Variants in TTC28 observed in about 807,000 individuals in gnomAD.
TTC28 encodes the protein tetratricopeptide repeat domain 28.
A neutral mutation model predicts 198.0 loss-of-function variants in TTC28; 61 were observed. The observed-to-expected ratio is 0.31, with a 90% CI of 0.25 to 0.38. The LOEUF (loss-of-function observed/expected upper bound fraction) is 0.38, where lower values mean the gene tolerates loss of function less well. Ranked by LOEUF, TTC28 falls within the 10% of genes least tolerant of loss-of-function variation. The probability of loss-of-function intolerance (pLI) is 1.00; values close to 1 mark genes in which losing one functional copy is unlikely to be tolerated. For missense variants in TTC28, 2,678 were observed against 3,164.0 expected, an observed-to-expected ratio of 0.85 and a Z score of 3.69; for synonymous variants, 1,171 against 1,297.8, an observed-to-expected ratio of 0.90 and a Z score of 2.10.
At chr22:28,217,703 T>C (rs927551351) in intron 5 of TTC28, among the ~76,000 whole-genome samples, 7 of 152,226 alleles carry the variant, frequency 4.6e-5, no homozygotes, top group African/African-American at 1.7e-4. Context: ...CAGGATCATT[T>C]ATATACTTAA....
intron 2 of TTC28, 140 bp from the exon 3 acceptor site, chr22:28,306,783 A>C (rs1243394536): frequency 4.6e-6 from 4 of 866,958 alleles, no homozygotes; most frequent in African/African-American, 3.5e-5. Context: ...TTGGTAATGA[A>C]ATGAACTAAC....
rs2048629259 is a variant in TTC28, at chr22:28,507,477, A to T, written c.381+122075T>A. On this transcript the variant is annotated intron_variant, in intron 2 of 22. Transcript: ENST00000397906. ...CAGGGAGAATGGAACCAAGTTGGAAAACATACTTCAAAATATCATCCAGGA... is the reference window on the plus strand; with the variant it reads ...CAGGGAGAATGGAACCAAGTTGGAATACATACTTCAAAATATCATCCAGGA... Among the ~76,000 whole-genome samples, 4 of 152,232 alleles carry T rather than the reference A, an allele frequency of 2.6e-5. No individual in the cohort carries two copies. The South Asian group carries it at 8.3e-4, about 32-fold the overall frequency.
intron 12 of TTC28, among the ~76,000 whole-genome samples, chr22:28,075,860 T>A (rs1386468600): frequency 1.3e-5 from 2 of 152,204 alleles, no homozygotes; most frequent in Non-Finnish European, 2.9e-5. Flanking sequence ...CCGACCTTTA[T>A]CAGAGCACTT....
intron 3 of TTC28, among the ~76,000 whole-genome samples, chr22:28,299,541 C>G (rs1048295694): frequency 6.6e-6 from 1 of 152,168 alleles, no homozygotes; most frequent in Non-Finnish European, 1.5e-5. Context: ...GGGTTAAGTA[C>G]AGGCACAAGA....
intron 3 of TTC28, among the ~76,000 whole-genome samples, chr22:28,300,669 TG>T (rs1466612808): frequency 6.6e-6 from 1 of 152,172 alleles, no homozygotes; most frequent in African/African-American, 2.4e-5. Flanking sequence ...GAAAGCTTCA[TG>T]GAAGAAGAAA....
chr22:28,647,792 T>C (rs1401352690), intron 1 of TTC28, among the ~76,000 whole-genome samples: 1 of 151,436 alleles, frequency 6.6e-6, no homozygotes, highest in African/African-American at 2.4e-5. Context: ...TGAGCCAAGA[T>C]CGAGCCACTG....
At chr22:28,592,871 C>T (rs2050459025) in intron 2 of TTC28, among the ~76,000 whole-genome samples, 1 of 152,148 alleles carries the variant, frequency 6.6e-6, no homozygotes, top group Non-Finnish European at 1.5e-5. Context: ...GCAATTTTTC[C>T]AGGTCAAAAA....
At chr22:28,250,288 T>C (rs1317478163) in intron 5 of TTC28, among the ~76,000 whole-genome samples, 2 of 152,340 alleles carry the variant, frequency 1.3e-5, no homozygotes, top group African/African-American at 4.8e-5. Context: ...GAAAAGACTA[T>C]TTAGGCATTC....
intron 1 of TTC28, 132 bp downstream of exon 1, chr22:28,679,490 G>T: frequency 3.5e-6 from 2 of 565,962 alleles, no homozygotes; most frequent in East Asian, 3.7e-5. Context: ...ACGGCTCGCG[G>T]CTGGGATCGA....
chr22:28,583,536 A>G (rs1238564570), intron 2 of TTC28, among the ~76,000 whole-genome samples: 1 of 152,230 alleles, frequency 6.6e-6, no homozygotes, highest in Non-Finnish European at 1.5e-5. Context: ...CTAAAGAGTT[A>G]CATTAAATAC....
chr22:28,214,972 G>A (rs191772718), intron 5 of TTC28, among the ~76,000 whole-genome samples: 258 of 152,300 alleles, frequency 1.7e-3, no homozygotes, highest in Middle Eastern at 6.8e-3. Context: ...ATGAGTTCAC[G>A]TCCTTCGTAG....
chr22:28,209,747 T>C (rs1926744031), intron 5 of TTC28, among the ~76,000 whole-genome samples: 1 of 152,220 alleles, frequency 6.6e-6, no homozygotes, highest in Admixed American at 6.5e-5. Context: ...CAGAAACTTC[T>C]GCAGACTTAA....
At chr22:28,492,000 T>C (rs892652225) in intron 2 of TTC28, among the ~76,000 whole-genome samples, 9 of 151,474 alleles carry the variant, frequency 5.9e-5, no homozygotes, top group African/African-American at 2.2e-4. Flanking sequence ...CTCAGCAAAC[T>C]ATCGCAAGGA....
intron 2 of TTC28, among the ~76,000 whole-genome samples, chr22:28,595,558 G>A (rs1427069699): frequency 6.6e-6 from 1 of 152,178 alleles, no homozygotes; most frequent in African/African-American, 2.4e-5. Context: ...TTTGCACAGT[G>A]TCCAGCACAC....
chr22:28,009,106 G>A (rs778976247), intron 14 of TTC28, among the ~76,000 whole-genome samples: 4 of 152,220 alleles, frequency 2.6e-5, no homozygotes, highest in Non-Finnish European at 5.9e-5. Flanking sequence ...GATGGCTCAT[G>A]TGCAAATGCA....
At position 28,297,371 on chromosome 22, in the gene TTC28, A is replaced by ATT. The variant is rs372279841; in HGVS notation, c.802+207_802+208dup. Among the ~76,000 whole-genome samples, 38 of 139,770 alleles carry ATT rather than the reference A, an allele frequency of 2.7e-4. No individual in the cohort carries two copies. In the East Asian group the frequency reaches 3.9e-3, roughly 14 times the overall value. 91.7% of individuals were successfully genotyped at this position (139,770 alleles called of 152,430 possible). On this transcript the variant is annotated intron_variant, in intron 4 of 22. Transcript: ENST00000397906. ...AGACACAGGTACACCACACCCAGCT[A>ATT]TTTTTTTTTTTTTTTAAGAAACAGG...
chr22:27,985,447 T>C (rs905665021), intron 21 of TTC28, 91 bp from the exon 22 acceptor site: 2 of 1,012,254 alleles, frequency 2.0e-6, no homozygotes, highest in African/African-American at 3.2e-5. Context: ...TGCAACTTCA[T>C]GGAATGCCTG....
intron 2 of TTC28, among the ~76,000 whole-genome samples, chr22:28,482,160 TC>T (rs1033012237): frequency 6.7e-6 from 1 of 150,358 alleles, no homozygotes; most frequent in Non-Finnish European, 1.5e-5. Flanking sequence ...CATTGCTTGT[TC>T]CCACTCCTCC....
chr22:28,343,303 G>A (rs931405677), intron 2 of TTC28, among the ~76,000 whole-genome samples: 1 of 152,184 alleles, frequency 6.6e-6, no homozygotes, highest in Non-Finnish European at 1.5e-5. Context: ...GCCAAGGCAG[G>A]TGGATCATTT....
Sources: allele counts gnomAD v4.1 joint callset (sites outside exome capture counted in the v4.1 genomes callset), GRCh38; gene constraint gnomAD v4.1.1; transcripts MANE v1.5; gene names NCBI Gene and HGNC (gene_info 2026-07-23, HGNC 2026-07-21).